PCSK6: variants seen among roughly 807,000 people sequenced by gnomAD.
PCSK6 encodes paired basic amino acid cleaving enzyme 4.
PCSK6 carries 85 observed loss-of-function variants against 123.3 expected under a neutral mutation model. The observed-to-expected ratio is 0.69, with a 90% CI of 0.58 to 0.83. The LOEUF is 0.83. PCSK6 is among the 40% of genes least tolerant of loss of function. The pLI, the probability that PCSK6 is intolerant of heterozygous loss-of-function variation, is 0.00. For synonymous variants in PCSK6, 508 were observed against 516.0 expected (o/e 0.98, Z 0.21); for missense variants, 1,191 against 1,282.3 (o/e 0.93, Z 1.09).
intron 1 of PCSK6, among the ~76,000 whole-genome samples, chr15:101,472,131 G>A (rs1345161675): frequency 6.6e-6 from 1 of 152,238 alleles, no homozygotes; most frequent in Non-Finnish European, 1.5e-5. Flanking sequence ...CCAGCAAGGG[G>A]ACACAGGCAG....
At chr15:101,485,860 T>C (rs1192496813) in intron 1 of PCSK6, among the ~76,000 whole-genome samples, 1 of 152,314 alleles carries the variant, frequency 6.6e-6, no homozygotes, top group East Asian at 1.9e-4. Flanking sequence ...TTGTCACAGC[T>C]TAAACTAGAT....
intron 1 of PCSK6, among the ~76,000 whole-genome samples, chr15:101,470,335 G>C (rs753455569): frequency 2.0e-5 from 3 of 151,958 alleles, no homozygotes; most frequent in South Asian, 2.1e-4. Context: ...TTTTCCCCTT[G>C]AGTCAGCTTA....
chr15:101,362,137 T>C (rs1375728706), intron 13 of PCSK6, among the ~76,000 whole-genome samples: 4 of 151,958 alleles, frequency 2.6e-5, no homozygotes, highest in African/African-American at 9.7e-5. Context: ...TTTGTATTGT[T>C]AGTAGAGATG....
chr15:101,329,841 T>G (rs1366375359), intron 15 of PCSK6, among the ~76,000 whole-genome samples: 1 of 152,198 alleles, frequency 6.6e-6, no homozygotes, highest in Non-Finnish European at 1.5e-5. Flanking sequence ...GCCACTCTCT[T>G]GCAGGAACCC....
chr15:101,369,588 C>T (rs1245068352), intron 12 of PCSK6, among the ~76,000 whole-genome samples: 1 of 152,274 alleles, frequency 6.6e-6, no homozygotes, highest in Non-Finnish European at 1.5e-5. Context: ...TCTTTACTCT[C>T]TCTACCTCTT....
chr15:101,479,246 G>A (rs750057065), intron 1 of PCSK6, among the ~76,000 whole-genome samples: 1 of 152,244 alleles, frequency 6.6e-6, no homozygotes, highest in Non-Finnish European at 1.5e-5. Flanking sequence ...ACACAAGGAA[G>A]GGGCCCCCAG....
intron 8 of PCSK6, 25 bp downstream of exon 8, chr15:101,393,187 A>G: frequency 6.4e-7 from 1 of 1,567,386 alleles, no homozygotes; most frequent in Non-Finnish European, 8.8e-7. Context: ...CACTGTAAGC[A>G]CTCCAACTTG....
chr15:101,322,107 G>A (rs763094807), intron 18 of PCSK6, among the ~76,000 whole-genome samples: 6 of 152,194 alleles, frequency 3.9e-5, no homozygotes, highest in African/African-American at 1.4e-4. Context: ...TCAGGAAGCC[G>A]TGAAGATGTC....
At chr15:101,454,015 C>T (rs373410624) in intron 1 of PCSK6, among the ~76,000 whole-genome samples, 61 of 152,342 alleles carry the variant, frequency 4.0e-4, no homozygotes, top group African/African-American at 1.4e-3. Flanking sequence ...CCGTCTGGCT[C>T]CTGCCAGGCC....
chr15:101,372,252 C>T (rs1486676727), intron 11 of PCSK6, among the ~76,000 whole-genome samples: 1 of 152,200 alleles, frequency 6.6e-6, no homozygotes, highest in African/African-American at 2.4e-5. Context: ...CGGTGCTTGG[C>T]TTATTACGGG....
intron 10 of PCSK6, 97 bp from the exon 11 acceptor site, chr15:101,382,306 G>T (rs2141507060): frequency 1.1e-6 from 1 of 939,606 alleles, no homozygotes; most frequent in South Asian, 1.6e-5. Context: ...GGAGGACAGA[G>T]GGACCGTAAG....
chr15:101,481,989 C>G (rs899027018), intron 1 of PCSK6, among the ~76,000 whole-genome samples: 1 of 152,156 alleles, frequency 6.6e-6, no homozygotes, highest in Non-Finnish European at 1.5e-5. Context: ...TGAGTCTGTG[C>G]GCGTTCACGC....
chr15:101,407,882 T>C (rs1317515365), intron 6 of PCSK6, among the ~76,000 whole-genome samples: 1 of 152,222 alleles, frequency 6.6e-6, no homozygotes, highest in Non-Finnish European at 1.5e-5. Context: ...CGAAAATGAT[T>C]GTACATATTT....
intron 2 of PCSK6, among the ~76,000 whole-genome samples, chr15:101,437,846 G>A (rs1014460390): frequency 6.6e-6 from 1 of 152,196 alleles, no homozygotes; most frequent in Non-Finnish European, 1.5e-5. Context: ...GTTAGGGGCT[G>A]ACCTGTGAAC....
At chr15:101,374,956 C>T (rs1017913693) in intron 11 of PCSK6, among the ~76,000 whole-genome samples, 11 of 143,616 alleles carry the variant, frequency 7.7e-5, no homozygotes, top group Non-Finnish European at 1.2e-4. Flanking sequence ...CATGAAATTA[C>T]TTTTTTTTTT....
At position 101,328,373 on chromosome 15, in the gene PCSK6, G is replaced by A. The variant is rs151059896; in HGVS notation, c.2078-1894C>T. On this transcript the variant is annotated intron_variant, in intron 15 of 21. Transcript: ENST00000611716. ...TCTTTCTAGACACGGAATGGGAGAC[G>A]GGCGGGCAGGGCTTGGTTCGGTGTG... Among the ~76,000 whole-genome samples the A allele has an allele frequency of 2.8e-3, 430 of 152,314 alleles. 2 individuals carry two copies. Among genetic ancestry groups the A allele is most frequent in the African/African-American group, 9.8e-3 (406 of 41,568 alleles).
At chr15:101,362,849 C>T (rs775388200) in intron 13 of PCSK6, among the ~76,000 whole-genome samples, 6 of 152,252 alleles carry the variant, frequency 3.9e-5, no homozygotes, top group Non-Finnish European at 8.8e-5. Flanking sequence ...TTAACCACTG[C>T]ACCCTGTGGT....
intron 9 of PCSK6, among the ~76,000 whole-genome samples, chr15:101,386,632 C>T (rs2042071807): frequency 6.6e-6 from 1 of 152,220 alleles, no homozygotes; most frequent in African/African-American, 2.4e-5. Flanking sequence ...TCCCTTAGCA[C>T]AACGTCCTTG....
chr15:101,358,690 T>C lies in PCSK6; in HGVS notation c.1858+7506A>G, dbSNP rs572649272. Among the ~76,000 whole-genome samples the C allele has an allele frequency of 1.1e-4, 16 of 152,360 alleles. No individual in the cohort carries two copies. In the South Asian group the frequency reaches 3.3e-3, roughly 32 times the overall value. On this transcript the variant is annotated intron_variant, in intron 13 of 21. Coordinates refer to ENST00000611716, the MANE Select transcript of PCSK6 (RefSeq NM_002570.5). ...GAAGAGGTACCATTCATCTGGAGGC[T>C]GAAGAGGGCTTATCCTGGATCAACC...
Sources: allele counts gnomAD v4.1 joint callset (sites outside exome capture counted in the v4.1 genomes callset), GRCh38; gene constraint gnomAD v4.1.1; transcripts MANE v1.5; gene names NCBI Gene and HGNC (gene_info 2026-07-23, HGNC 2026-07-21).